Variants in PLEKHG3 observed in about 807,000 individuals in gnomAD.
PLEKHG3 encodes the protein pleckstrin homology and RhoGEF domain containing G3.
A neutral mutation model predicts 94.9 loss-of-function variants in PLEKHG3; 62 were observed. The ratio of observed to expected loss-of-function variants is 0.65; its 90% CI spans 0.53 to 0.81. PLEKHG3 has a LOEUF of 0.81. Among genes scored for constraint, PLEKHG3 ranks in the 30% least tolerant of loss-of-function variants. The pLI is 0.00. For missense variants in PLEKHG3, 1,461 were observed against 1,619.3 expected (o/e 0.90, Z 1.68); for synonymous variants, 614 against 654.0 (o/e 0.94, Z 0.93).
chr14:64,727,878 G>T lies in PLEKHG3; in HGVS notation c.247G>T (p.Ala83Ser). 1 of 1,613,308 alleles carries T rather than the reference G, an allele frequency of 6.2e-7. No homozygotes were observed. The highest frequency in any genetic ancestry group is 8.5e-7 in the Non-Finnish European group (1 of 1,179,586). The stretch of plus-strand genomic sequence containing the variant: ...CCTCTCCCCGTTCAACAGCCGGGCA[G>T]CGGCAGGGCCTGCACACCACAAGCT... ...GPLSPFNSRA[A>S]AGPAHHKLSY... Residue 83 changes from alanine to serine, a missense_variant, in exon 2 of 17, where the codon GCG becomes TCG. By Grantham distance (99) the Ala-to-Ser change is moderately conservative (BLOSUM62 1). Coordinates refer to ENST00000247226, the MANE Select transcript of PLEKHG3 (RefSeq NM_001308147.2). The surrounding 1 kb of genome is among the most constrained non-coding windows in gnomAD (Gnocchi z 6.0).
intron 13 of PLEKHG3, 67 bp downstream of exon 13, chr14:64,736,958 C>CT: frequency 1.7e-6 from 2 of 1,210,578 alleles, no homozygotes; most frequent in Admixed American, 3.4e-5. Context: ...GGGAAGCAGC[C>CT]GACAACCTGG....
chr14:64,708,806 TCCACCCCCCCGCC>T (rs2081015192), intron 1 of PLEKHG3, among the ~76,000 whole-genome samples: 1 of 151,446 alleles, frequency 6.6e-6, no homozygotes. Context: ...CATGGCCAGT[TCCACCCCCCCGCC>T]CCACCCCCCA....
At chr14:64,737,988 G>C in intron 14 of PLEKHG3, 2 of 1,251,484 alleles carry the variant, frequency 1.6e-6, no homozygotes, top group South Asian at 1.4e-5. Context: ...GGAGGAGGAG[G>C]AGGAGGAGGA....
rs764199654 is a variant in PLEKHG3, at chr14:64,731,801, A to C, written c.1120A>C (p.Ile374Leu). Reference sequence around the variant, plus strand: ...CAAGCACAGCAAGCAGCAGTACAGCATCCAGGTGAGGGGAAGGTGGGGCTC... The same window carrying C: ...CAAGCACAGCAAGCAGCAGTACAGCCTCCAGGTGAGGGGAAGGTGGGGCTC... Reference protein sequence around the residue: ...HYKHSKQQYSIQAKTVEEKRN... With the variant: ...HYKHSKQQYSLQAKTVEEKRN... The change falls in exon 9 of 17, where the codon ATC becomes CTC. Residue 374 changes from isoleucine (I) to leucine (L), a missense_variant. Ile to Leu is a conservative substitution (Grantham distance 5). Coordinates refer to ENST00000247226, the MANE Select transcript of PLEKHG3 (RefSeq NM_001308147.2). This position sits in a 1 kb window ranked among gnomAD's most constrained non-coding sequence, Gnocchi z 6.1. 1.9e-6 allele frequency: 3 copies of C among 1,610,936 alleles called. No homozygotes were observed. The highest frequency in any genetic ancestry group is 2.5e-6 in the Non-Finnish European group (3 of 1,177,360).
chr14:64,730,744 C>T lies in PLEKHG3; in HGVS notation c.567-55C>T, dbSNP rs374435856. On this transcript the variant is annotated intron_variant, in intron 5 of 16. Coordinates refer to ENST00000247226, the MANE Select transcript of PLEKHG3 (RefSeq NM_001308147.2). The surrounding 1 kb of genome is among the most constrained non-coding windows in gnomAD (Gnocchi z 5.4). Reference sequence around the variant, plus strand: ...GCCATTTGGTGAGTCCAGAGCCCCCCACTTCCTCATCCAGGCCTTCCCCAG... The same window carrying T: ...GCCATTTGGTGAGTCCAGAGCCCCCTACTTCCTCATCCAGGCCTTCCCCAG... 923 of 1,612,242 alleles carry T rather than the reference C, an allele frequency of 5.7e-4. 5 individuals carry two copies. In the African/African-American group the frequency reaches 0.011, roughly 19 times the overall value.
In PLEKHG3 at chr14:64,741,413, G is replaced by A. The variant is rs547478311; in HGVS notation, c.1896G>A (p.Pro632=). 25 of 1,612,820 alleles carry A rather than the reference G, an allele frequency of 1.6e-5. No individual in the cohort carries two copies. Among genetic ancestry groups the A allele is most frequent in the African/African-American group, 2.7e-5 (2 of 74,968 alleles). Residue 632 remains proline, a synonymous_variant, in exon 16 of 17, where the codon CCG becomes CCA. Coordinates refer to ENST00000247226, the MANE Select transcript of PLEKHG3 (RefSeq NM_001308147.2). The part of the protein sequence containing the change: ...EDSKSSGFGS[P]RLVSRSSSVL... The stretch of plus-strand genomic sequence containing the variant: ...GCAAGTCCAGTGGCTTTGGGAGCCC[G>A]CGGCTGGTCAGCCGGAGCAGCAGCG...
At chr14:64,710,327 C>T (rs1436038629) in intron 1 of PLEKHG3, among the ~76,000 whole-genome samples, 1 of 152,156 alleles carries the variant, frequency 6.6e-6, no homozygotes, top group East Asian at 1.9e-4. Flanking sequence ...TTAACTTCTA[C>T]ATATAAGCTA....
intron 1 of PLEKHG3, among the ~76,000 whole-genome samples, chr14:64,711,876 G>T (rs2081070742): frequency 6.6e-6 from 1 of 152,028 alleles, no homozygotes; most frequent in African/African-American, 2.4e-5. Context: ...TTCTTTAGTT[G>T]CTAGTGCTTT....
At position 64,720,606 on chromosome 14, in the gene PLEKHG3, A is replaced by C. The variant is rs2081246225; in HGVS notation, c.-39-6987A>C. Among the ~76,000 whole-genome samples, 6 of 152,350 alleles carry C rather than the reference A, an allele frequency of 3.9e-5. No homozygotes were observed. Among genetic ancestry groups the C allele is most frequent in the African/African-American group, 1.2e-4 (5 of 41,580 alleles). Reference sequence around the variant, plus strand: ...TGTATTGTCCAGAAGAGATGCATGTACATATCAAGCCCCAAGACCAATGCT... The same window carrying C: ...TGTATTGTCCAGAAGAGATGCATGTCCATATCAAGCCCCAAGACCAATGCT... On this transcript the variant is annotated intron_variant, in intron 1 of 16. Coordinates refer to ENST00000247226, the MANE Select transcript of PLEKHG3 (RefSeq NM_001308147.2). This position sits in a 1 kb window ranked among gnomAD's most constrained non-coding sequence, Gnocchi z 4.1.
rs1247377714 is a variant in PLEKHG3, at chr14:64,727,042, T to C, written c.-39-551T>C. Among the ~76,000 whole-genome samples, 4 of 152,316 alleles carry C rather than the reference T, an allele frequency of 2.6e-5. No homozygotes were observed. Among genetic ancestry groups the C allele is most frequent in the East Asian group, 1.9e-4 (1 of 5,186 alleles). On this transcript the variant is annotated intron_variant, in intron 1 of 16. Transcript: ENST00000247226. The surrounding 1 kb of genome is among the most constrained non-coding windows in gnomAD (Gnocchi z 6.0). The stretch of plus-strand genomic sequence containing the variant: ...TTATTATCACCATATTGATGGTGTA[T>C]GGAGCACGTACCCTATGCCAGGCAT...
Position 64,731,785 on chromosome 14 carries a change from C to T in PLEKHG3, c.1104C>T (p.Ser368=). ...TCACTGTCACCCACTACAAGCACAG[C>T]AAGCAGCAGTACAGCATCCAGGTGA... ...LCFTVTHYKH[S]KQQYSIQAKT... The change falls in exon 9 of 17, where the codon AGC becomes AGT. Residue 368 remains serine, a synonymous_variant. Transcript: ENST00000247226. This position sits in a 1 kb window ranked among gnomAD's most constrained non-coding sequence, Gnocchi z 6.1. 6.2e-7 allele frequency: 1 copy of T among 1,612,876 alleles called. No homozygotes were observed. The highest frequency in any genetic ancestry group is 8.5e-7 in the Non-Finnish European group (1 of 1,179,022).
rs1230571256 is a variant in PLEKHG3 at position 64,750,145 on chromosome 14, G to A, written c.*6442G>A. On this transcript the variant is annotated 3_prime_UTR_variant, in exon 17 of 17. Transcript: ENST00000247226. ...TGTTCCTGAGCACACAGTACAGGTT[G>A]TTCCAGGACCTGCAAAGATGCAGAC... is the stretch of plus-strand genomic sequence containing the variant. 1.9e-6 allele frequency: 3 copies of A among 1,611,496 alleles called. No homozygotes were observed. The highest frequency in any genetic ancestry group is 2.7e-5 in the African/African-American group (2 of 74,858).
rs2080941583 is a variant in PLEKHG3 at position 64,704,459 on chromosome 14, C to T, written c.-285C>T. The T allele has an allele frequency of 6.1e-6, 1 of 162,874 alleles. No homozygotes were observed. The highest frequency in any genetic ancestry group is 2.0e-4 in the South Asian group (1 of 4,994). The allele number at this position is 162,874 out of a possible 1,614,324, so 10.1% of individuals were successfully genotyped here. On this transcript the variant is annotated 5_prime_UTR_variant, in exon 1 of 17. Transcript: ENST00000247226. This position sits in a 1 kb window ranked among gnomAD's most constrained non-coding sequence, Gnocchi z 5.6. ...TCCCTCGCTCCCTCCTGCCCTCCCGCTGCAGCTCCGGCTCCGCTCGACTTC... is the reference window on the plus strand; with the variant it reads ...TCCCTCGCTCCCTCCTGCCCTCCCGTTGCAGCTCCGGCTCCGCTCGACTTC...
chr14:64,733,493 A>T (rs1386068061), intron 12 of PLEKHG3, among the ~76,000 whole-genome samples: 2 of 152,070 alleles, frequency 1.3e-5, no homozygotes, highest in Non-Finnish European at 2.9e-5. Context: ...AGGCCCTAGG[A>T]ATACTTGCTC....
Position 64,746,807 on chromosome 14 carries a change from G to A in PLEKHG3, c.*3104G>A, listed in dbSNP as rs1283426884. On this transcript the variant is annotated 3_prime_UTR_variant, in exon 17 of 17. Transcript: ENST00000247226. The surrounding 1 kb of genome is among the most constrained non-coding windows in gnomAD (Gnocchi z 4.9). ...GCTTCCTCTAAACTGCCCTGGGAAGGAAGCCTGGTATGCTGGTGTGGACTG... is the reference window on the plus strand; with the variant it reads ...GCTTCCTCTAAACTGCCCTGGGAAGAAAGCCTGGTATGCTGGTGTGGACTG... 6.6e-6 allele frequency: 1 copy of A among 152,616 alleles called. No individual in the cohort carries two copies. The highest frequency in any genetic ancestry group is 1.5e-5 in the Non-Finnish European group (1 of 68,140). The allele number at this position is 152,616 out of a possible 1,614,324, so 9.5% of individuals were successfully genotyped here.
intron 12 of PLEKHG3, among the ~76,000 whole-genome samples, chr14:64,736,559 C>A (rs1429074193): frequency 6.6e-6 from 1 of 152,162 alleles, no homozygotes; most frequent in African/African-American, 2.4e-5. Flanking sequence ...GGCTCCTGCG[C>A]GAGGGCCCTG....
chr14:64,716,127 G>A lies in PLEKHG3; in HGVS notation c.-40+11423G>A, dbSNP rs1419579980. ...CGGCTGGGGCCAGGCCAGGGGATGG[G>A]AATGGGGTGGGATGGGGACTCTTTC... On this transcript the variant is annotated intron_variant, in intron 1 of 16. Coordinates refer to ENST00000247226, the MANE Select transcript of PLEKHG3 (RefSeq NM_001308147.2). The surrounding 1 kb of genome is among the most constrained non-coding windows in gnomAD (Gnocchi z 5.0). 4.4e-6 allele frequency: 2 copies of A among 452,128 alleles called. No homozygotes were observed. The highest frequency in any genetic ancestry group is 4.7e-5 in the Admixed American group (2 of 42,174). The allele number at this position is 452,128 out of a possible 1,614,324, so 28.0% of individuals were successfully genotyped here.
chr14:64,731,317 GC>G lies in PLEKHG3; in HGVS notation c.850-40del. 1 of 1,541,960 alleles carries G rather than the reference GC, an allele frequency of 6.5e-7. No individual in the cohort carries two copies. The highest frequency in any genetic ancestry group is 8.9e-7 in the Non-Finnish European group (1 of 1,117,698). ...GGCAGGGTTTGCAGAGCCTCCTAAG[GC>G]CCCAGTGGCCTGACTCTAGGGATTG... is the stretch of plus-strand genomic sequence containing the variant. On this transcript the variant is annotated intron_variant, in intron 7 of 16. Transcript: ENST00000247226. The surrounding 1 kb of genome is among the most constrained non-coding windows in gnomAD (Gnocchi z 6.1).
rs932367938 is a variant in PLEKHG3 at position 64,748,859 on chromosome 14, A to G, written c.*5156A>G. 1.2e-5 allele frequency: 2 copies of G among 166,212 alleles called. No individual in the cohort carries two copies. Among genetic ancestry groups the G allele is most frequent in the Non-Finnish European group, 2.6e-5 (2 of 78,306 alleles). 10.3% of individuals were successfully genotyped at this position (166,212 alleles called of 1,614,324 possible). ...CTTTCCCCTTTCCCTGGCTGCCACC[A>G]GGTGGGAGGTGACCCGAAGCAAGAC... On this transcript the variant is annotated 3_prime_UTR_variant, in exon 17 of 17. Transcript: ENST00000247226.
Sources: gnomAD v4.1 joint callset for allele counts (sites outside exome capture counted in the v4.1 genomes callset) on GRCh38, gnomAD v4.1.1 for gene constraint, Gnocchi (gnomAD v3.1) non-coding constraint, MANE v1.5 for transcripts, NCBI Gene and HGNC (gene_info 2026-07-23, HGNC 2026-07-21) for gene names.